Variants in USH2A observed in about 807,000 individuals in gnomAD.
USH2A encodes the protein usherin, also known as Usher syndrome 2A (autosomal recessive, mild).
Under a neutral mutation model 538.9 loss-of-function variants are expected in USH2A, and 443 were observed. The observed-to-expected ratio is 0.82, with a 90% CI of 0.76 to 0.89. The LOEUF is 0.89. Ranked by LOEUF, USH2A falls within the 40% of genes least tolerant of loss-of-function variation. The probability of loss-of-function intolerance (pLI) is 0.00; values close to 1 mark genes in which losing one functional copy is unlikely to be tolerated. For missense variants in USH2A, 6,633 were observed against 6,324.8 expected, an observed-to-expected ratio of 1.05 and a Z score of -1.65; for synonymous variants, 2,413 against 2,273.5, an observed-to-expected ratio of 1.06 and a Z score of -1.75.
intron 61 of USH2A, among the ~76,000 whole-genome samples, chr1:215,704,830 G>A (rs190050358): frequency 1.5e-3 from 222 of 152,246 alleles, no homozygotes; most frequent in African/African-American, 5.1e-3. Flanking sequence ...CCCAGACTGA[G>A]TTACTTGTCT....
intron 49 of USH2A, among the ~76,000 whole-genome samples, chr1:215,800,605 A>C (rs1662296992): frequency 2.0e-5 from 3 of 152,182 alleles, no homozygotes; most frequent in Non-Finnish European, 4.4e-5. Context: ...GGATATCCTA[A>C]AATTTGTTTA....
At chr1:215,782,978 A>C in intron 52 of USH2A, 43 bp from the exon 53 acceptor site, 1 of 1,568,158 alleles carries the variant, frequency 6.4e-7, no homozygotes, top group Non-Finnish European at 8.7e-7. Flanking sequence ...TCTTATTTTC[A>C]TTTTTTAACC....
intron 32 of USH2A, among the ~76,000 whole-genome samples, chr1:216,029,908 C>T (rs1669053740): frequency 6.7e-6 from 1 of 150,336 alleles, no homozygotes; most frequent in Admixed American, 6.7e-5. Flanking sequence ...ATAGCAAAGA[C>T]ATGGAATCAA....
In USH2A at chr1:215,638,315, T is replaced by C. The variant is rs933677468; in HGVS notation, c.15052+840A>G. Among the ~76,000 whole-genome samples, 174 of 152,296 alleles carry C rather than the reference T, an allele frequency of 1.1e-3. 1 individual carries two copies. The highest frequency in any genetic ancestry group is 4.1e-3 in the African/African-American group (172 of 41,562). On this transcript the variant is annotated intron_variant, in intron 69 of 71. Coordinates refer to ENST00000307340, the MANE Select transcript of USH2A (RefSeq NM_206933.4). ...CTTTTCCATATTTACAATTCAATAT[T>C]TGGCATTTTAAGAGTACATTCTGGC...
At chr1:216,381,157 C>A (rs1309727904) in intron 3 of USH2A, among the ~76,000 whole-genome samples, 1 of 151,946 alleles carries the variant, frequency 6.6e-6, no homozygotes, top group Non-Finnish European at 1.5e-5. Context: ...GAGATACGTA[C>A]ACAAAGAAAT....
intron 32 of USH2A, among the ~76,000 whole-genome samples, chr1:216,041,617 G>A (rs1481987943): frequency 6.6e-6 from 1 of 152,044 alleles, no homozygotes; most frequent in Non-Finnish European, 1.5e-5. Context: ...TAGTAGGGAA[G>A]TTTCTGATAT....
At chr1:216,373,891 G>A (rs2038763833) in intron 3 of USH2A, among the ~76,000 whole-genome samples, 1 of 151,920 alleles carries the variant, frequency 6.6e-6, no homozygotes, top group Non-Finnish European at 1.5e-5. Flanking sequence ...AAGAAAATGT[G>A]GCACATATAC....
chr1:215,639,732 C>G (rs974441697), intron 68 of USH2A, among the ~76,000 whole-genome samples: 1 of 152,174 alleles, frequency 6.6e-6, no homozygotes, highest in Non-Finnish European at 1.5e-5. Flanking sequence ...CCAGGTAGAA[C>G]CTGTGTCTCC....
At chr1:215,881,187 C>T (rs1189308806) in intron 41 of USH2A, among the ~76,000 whole-genome samples, 1 of 152,330 alleles carries the variant, frequency 6.6e-6, no homozygotes, top group Non-Finnish European at 1.5e-5. Flanking sequence ...GTCACCCAGC[C>T]TGGAGTGCAG....
chr1:215,802,956 G>A (rs575624686), intron 49 of USH2A, among the ~76,000 whole-genome samples: 4 of 151,900 alleles, frequency 2.6e-5, no homozygotes, highest in South Asian at 2.1e-4. Context: ...ATCCTGACAC[G>A]TACGACAACA....
chr1:215,978,956 T>C (rs961313476), intron 35 of USH2A, among the ~76,000 whole-genome samples: 5 of 152,224 alleles, frequency 3.3e-5, no homozygotes, highest in Admixed American at 3.3e-4. Context: ...AATCTGTTGT[T>C]ATTCCTGTAG....
At chr1:216,397,962 A>G (rs1456483844) in intron 3 of USH2A, among the ~76,000 whole-genome samples, 1 of 152,210 alleles carries the variant, frequency 6.6e-6, no homozygotes, top group African/African-American at 2.4e-5. Flanking sequence ...GAGAACCCTG[A>G]CTAATACAGA....
intron 21 of USH2A, among the ~76,000 whole-genome samples, chr1:216,120,219 C>CAAAAAAAAAAAAAAAAAAAAA (rs10525093): frequency 2.0e-5 from 2 of 100,070 alleles, no homozygotes; most frequent in African/African-American, 3.8e-5. Flanking sequence ...TACTAAATAG[C>CAAAAAAAAAAAAAAAAAAAAA]AAAAAAAAAA....
intron 40 of USH2A, among the ~76,000 whole-genome samples, chr1:215,892,275 C>A (rs1033047218): frequency 1.3e-5 from 2 of 152,248 alleles, no homozygotes; most frequent in South Asian, 2.1e-4. Flanking sequence ...TTACCCATGA[C>A]TGATCAGTCA....
At chr1:215,794,968 C>T (rs185459345) in intron 50 of USH2A, among the ~76,000 whole-genome samples, 17 of 152,296 alleles carry the variant, frequency 1.1e-4, no homozygotes, top group South Asian at 4.2e-4. Flanking sequence ...TCCTAGTGGA[C>T]GGTAACCTCC....
chr1:215,774,060 T>TC (rs932923756), intron 55 of USH2A, among the ~76,000 whole-genome samples: 13 of 151,862 alleles, frequency 8.6e-5, no homozygotes, highest in Non-Finnish European at 1.5e-4. Context: ...GCCAATTTCC[T>TC]CCCCCCCATT....
chr1:216,146,780 C>A (rs1196862900), intron 21 of USH2A, among the ~76,000 whole-genome samples: 1 of 152,086 alleles, frequency 6.6e-6, no homozygotes, highest in Non-Finnish European at 1.5e-5. Context: ...TCTCTTTTCT[C>A]AGGGTTTGCC....
At chr1:216,354,441 G>A (rs1396375377) in intron 4 of USH2A, among the ~76,000 whole-genome samples, 1 of 152,098 alleles carries the variant, frequency 6.6e-6, no homozygotes, top group African/African-American at 2.4e-5. Context: ...TTATCAAATA[G>A]GGATTTGAAA....
At chr1:216,283,071 C>T (rs949704128) in intron 11 of USH2A, among the ~76,000 whole-genome samples, 1 of 151,946 alleles carries the variant, frequency 6.6e-6, no homozygotes, top group African/African-American at 2.4e-5. Context: ...TGCAACCTTG[C>T]TGAATTTATT....
Sources: allele counts gnomAD v4.1 joint callset (sites outside exome capture counted in the v4.1 genomes callset), GRCh38; gene constraint gnomAD v4.1.1; transcripts MANE v1.5; gene names NCBI Gene and HGNC (gene_info 2026-07-23, HGNC 2026-07-21).